RTN4R: variants seen among roughly 807,000 people sequenced by gnomAD.
RTN4R encodes the protein reticulon-4 receptor.
RTN4R carries 4 observed loss-of-function variants against 27.7 expected under a neutral mutation model. The observed-to-expected ratio is 0.14, with a 90% CI of 0.07 to 0.33. The LOEUF is 0.33. Ranked by LOEUF, RTN4R falls within the 10% of genes least tolerant of loss-of-function variation. The pLI, the probability that RTN4R is intolerant of heterozygous loss-of-function variation, is 1.00. For synonymous variants in RTN4R, 290 were observed against 305.6 expected (o/e 0.95, Z 0.53); for missense variants, 554 against 671.5 (o/e 0.83, Z 1.93).
At chr22:20,259,012 G>C (rs2051228794) in intron 1 of RTN4R, among the ~76,000 whole-genome samples, 1 of 152,114 alleles carries the variant, frequency 6.6e-6, no homozygotes, top group Non-Finnish European at 1.5e-5. Flanking sequence ...CAGCCAGGAG[G>C]GTAGAGGCAC....
chr22:20,244,632 G>A (rs2051129364), intron 1 of RTN4R, among the ~76,000 whole-genome samples: 1 of 152,136 alleles, frequency 6.6e-6, no homozygotes, highest in African/African-American at 2.4e-5. Context: ...TTAAACTGCG[G>A]ACACCCTCTC....
At chr22:20,247,162 C>T (rs1346230013) in intron 1 of RTN4R, among the ~76,000 whole-genome samples, 1 of 152,036 alleles carries the variant, frequency 6.6e-6, no homozygotes, top group Non-Finnish European at 1.5e-5. Context: ...CAGGGAGGCT[C>T]TGAGCTGCTG....
intron 1 of RTN4R, among the ~76,000 whole-genome samples, chr22:20,256,940 C>T (rs1440880650): frequency 2.6e-5 from 4 of 152,240 alleles, no homozygotes; most frequent in Non-Finnish European, 5.9e-5. Flanking sequence ...GTGCCCATTC[C>T]ACTCCACACC....
intron 1 of RTN4R, among the ~76,000 whole-genome samples, chr22:20,247,698 C>CA (rs60000574): frequency 0.01 from 1,587 of 152,244 alleles, 31 homozygotes; most frequent in African/African-American, 0.036. Flanking sequence ...AAGTGAGTAC[C>CA]AGCCCCTGAT....
intron 1 of RTN4R, among the ~76,000 whole-genome samples, chr22:20,256,526 T>C (rs1311595761): frequency 6.6e-6 from 1 of 152,180 alleles, no homozygotes; most frequent in Non-Finnish European, 1.5e-5. Flanking sequence ...TCCCCTTTTC[T>C]TCCTCCCCCA....
chr22:20,262,335 C>T (rs761081869), intron 1 of RTN4R, among the ~76,000 whole-genome samples: 19 of 152,230 alleles, frequency 1.2e-4, no homozygotes, highest in Middle Eastern at 3.4e-3. Flanking sequence ...GCCGGGCACA[C>T]GGCAGGGAGG....
At chr22:20,243,284 C>A in intron 1 of RTN4R, 174 bp from the exon 2 acceptor site, 1 of 691,034 alleles carries the variant, frequency 1.4e-6, no homozygotes, top group Non-Finnish European at 2.6e-6. Flanking sequence ...GCTTCACAGG[C>A]CTCATGGACG....
rs373331117 is a variant in RTN4R, at chr22:20,248,480, C to A, written c.23-5370G>T. Among the ~76,000 whole-genome samples, 22 of 152,310 alleles carry A rather than the reference C, an allele frequency of 1.4e-4. No homozygotes were observed. In the East Asian group the frequency reaches 4.1e-3, roughly 28 times the overall value. ...GCCTGGCCCAGGTGAGAGCTGGCAG[C>A]CCTGGATGGCACCCTCACCCCAAGG... On this transcript the variant is annotated intron_variant, in intron 1 of 1. Coordinates refer to ENST00000043402, the MANE Select transcript of RTN4R (RefSeq NM_023004.6).
chr22:20,241,916 G>C lies in RTN4R; in HGVS notation c.1217C>G (p.Pro406Arg), dbSNP rs1394612630. ...GCGAGGGCCCGAGGTGGGGAACCCT[G>C]GTGGCTCGGAGCCCTCGGGCCGCAC... ...TAVRPEGSEP[P>R]GFPTSGPRRR... The change falls in exon 2 of 2, where the codon CCA (proline) becomes CGA (arginine). Residue 406 changes from proline (P) to arginine (R), a missense_variant. Transcript: ENST00000043402. 3 of 1,605,810 alleles carry C rather than the reference G, an allele frequency of 1.9e-6. No homozygotes were observed. The highest frequency in any genetic ancestry group is 2.7e-5 in the African/African-American group (2 of 74,832).
At chr22:20,258,571 T>A (rs1353597217) in intron 1 of RTN4R, among the ~76,000 whole-genome samples, 1 of 152,164 alleles carries the variant, frequency 6.6e-6, no homozygotes, top group Non-Finnish European at 1.5e-5. Context: ...CAAGTGAGGA[T>A]GTTGAACACG....
At position 20,268,131 on chromosome 22, in the gene RTN4R, G is replaced by T; in HGVS notation, c.-39C>A. ...CGGGGCGCGTCGGGGACTGAAAGTC[G>T]TTTCGGGGCGGGCGCCCGTCTCCCC... On this transcript the variant is annotated 5_prime_UTR_variant, in exon 1 of 2. Coordinates refer to ENST00000043402, the MANE Select transcript of RTN4R (RefSeq NM_023004.6). 1.8e-6 allele frequency: 2 copies of T among 1,114,300 alleles called. No homozygotes were observed. Among genetic ancestry groups the T allele is most frequent in the Non-Finnish European group, 1.1e-6 (1 of 908,098 alleles). 69.0% of individuals were successfully genotyped at this position (1,114,300 alleles called of 1,614,324 possible).
chr22:20,267,498 G>C (rs1306589957), intron 1 of RTN4R: 4 of 406,036 alleles, frequency 9.9e-6, no homozygotes, highest in South Asian at 1.8e-5. Flanking sequence ...TGCAGATGGC[G>C]GGCGTTGCTG....
Position 20,255,780 on chromosome 22 carries a change from T to G in RTN4R, c.22+12291A>C, listed in dbSNP as rs545148179. On this transcript the variant is annotated intron_variant, in intron 1 of 1. Coordinates refer to ENST00000043402, the MANE Select transcript of RTN4R (RefSeq NM_023004.6). This position sits in a 1 kb window ranked among gnomAD's most constrained non-coding sequence, Gnocchi z 4.8. ...CCCTCAGGAGCCGGGGGTAGGGGTG[T>G]GCGGTCAACACCCAGCAGGGGTCGC... Among the ~76,000 whole-genome samples, 4 of 152,178 alleles carry G rather than the reference T, an allele frequency of 2.6e-5. No individual in the cohort carries two copies. The highest frequency in any genetic ancestry group is 9.6e-5 in the African/African-American group (4 of 41,528).
chr22:20,260,769 G>A (rs2051241437), intron 1 of RTN4R, among the ~76,000 whole-genome samples: 1 of 152,158 alleles, frequency 6.6e-6, no homozygotes, highest in African/African-American at 2.4e-5. Context: ...GTGAAGGGCG[G>A]GACAGAAGCC....
At chr22:20,251,886 T>C (rs879114135) in intron 1 of RTN4R, among the ~76,000 whole-genome samples, 17 of 26,856 alleles carry the variant, frequency 6.3e-4, no homozygotes, top group East Asian at 1.4e-3. Flanking sequence ...TCACTATCAC[T>C]ATCACCACCA....
intron 1 of RTN4R, among the ~76,000 whole-genome samples, chr22:20,244,155 TATC>T (rs887649218): frequency 3.3e-5 from 5 of 152,246 alleles, no homozygotes; most frequent in Non-Finnish European, 5.9e-5. Flanking sequence ...ACACTTGAGT[TATC>T]AGCTAACACC....
At chr22:20,265,407 T>C (rs1330691392) in intron 1 of RTN4R, among the ~76,000 whole-genome samples, 2 of 152,152 alleles carry the variant, frequency 1.3e-5, no homozygotes, top group Non-Finnish European at 2.9e-5. Context: ...AGGGGTGTCC[T>C]CCATGGACCC....
intron 1 of RTN4R, among the ~76,000 whole-genome samples, chr22:20,258,572 G>A (rs1314791674): frequency 2.6e-5 from 4 of 152,232 alleles, no homozygotes; most frequent in Non-Finnish European, 5.9e-5. Flanking sequence ...AAGTGAGGAT[G>A]TTGAACACGG....
intron 1 of RTN4R, chr22:20,267,633 C>T (rs1409633553): frequency 2.1e-6 from 1 of 468,230 alleles, no homozygotes; most frequent in Admixed American, 2.4e-5. Flanking sequence ...AGGTTCTGAG[C>T]CCAGACCGTG....
Sources: gnomAD v4.1 joint callset for allele counts (sites outside exome capture counted in the v4.1 genomes callset) on GRCh38, gnomAD v4.1.1 for gene constraint, Gnocchi (gnomAD v3.1) non-coding constraint, MANE v1.5 for transcripts, NCBI Gene and HGNC (gene_info 2026-07-23, HGNC 2026-07-21) for gene names.